FRMD4A: variants seen among roughly 807,000 people sequenced by gnomAD.
FRMD4A encodes the protein FERM domain-containing protein 4A.
In FRMD4A, 29 loss-of-function variants were observed where a neutral mutation model predicts 129.1. That is an observed-to-expected ratio of 0.22 (90% CI 0.17 to 0.31). The LOEUF is 0.31. Among genes scored for constraint, FRMD4A ranks in the 10% least tolerant of loss-of-function variants. FRMD4A has a pLI of 1.00. For synonymous variants in FRMD4A, 634 were observed against 571.6 expected (o/e 1.11, Z -1.56); for missense variants, 1,272 against 1,375.8 (o/e 0.92, Z 1.19).
Position 13,977,269 on chromosome 10 carries a change from C to T in FRMD4A, c.46-118357G>A, listed in dbSNP as rs575113135. ...ACGTAAGGACTTTTCCAGGTCTTAA[C>T]TACTAATCGGTGTTTTAATGCCACA... On this transcript the variant is annotated intron_variant, in intron 2 of 24. Coordinates refer to ENST00000357447, the MANE Select transcript of FRMD4A (RefSeq NM_018027.5). Among the ~76,000 whole-genome samples, 9 of 152,328 alleles carry T rather than the reference C, an allele frequency of 5.9e-5. No individual in the cohort carries two copies. The East Asian group carries it at 1.5e-3, about 26-fold the overall frequency.
At chr10:13,995,444 G>A (rs1219884333) in intron 2 of FRMD4A, among the ~76,000 whole-genome samples, 2 of 152,196 alleles carry the variant, frequency 1.3e-5, no homozygotes, top group Non-Finnish European at 2.9e-5. Flanking sequence ...AATTAACTAG[G>A]TGTGGTGGTG....
intron 2 of FRMD4A, among the ~76,000 whole-genome samples, chr10:13,935,349 A>C (rs1469150408): frequency 6.7e-6 from 1 of 149,042 alleles, no homozygotes; most frequent in African/African-American, 2.5e-5. Context: ...GAGGCAGGAG[A>C]ATTCCTTGAA....
intron 17 of FRMD4A, among the ~76,000 whole-genome samples, chr10:13,667,207 C>G (rs940078627): frequency 3.9e-5 from 6 of 152,266 alleles, no homozygotes; most frequent in African/African-American, 1.2e-4. Flanking sequence ...CCACCATGCC[C>G]GGCCATGGGA....
At chr10:14,237,060 A>T (rs1843849095) in intron 2 of FRMD4A, among the ~76,000 whole-genome samples, 1 of 146,974 alleles carries the variant, frequency 6.8e-6, no homozygotes, top group Non-Finnish European at 1.5e-5. Context: ...TTTGATAGAG[A>T]TGGGGTCTTG....
intron 2 of FRMD4A, among the ~76,000 whole-genome samples, chr10:13,946,436 C>T (rs899547007): frequency 6.6e-6 from 1 of 152,162 alleles, no homozygotes; most frequent in Non-Finnish European, 1.5e-5. Context: ...CTAGGTGCTC[C>T]TATGTCATCG....
intron 9 of FRMD4A, among the ~76,000 whole-genome samples, chr10:13,744,207 C>T (rs2091170150): frequency 6.6e-6 from 1 of 152,038 alleles, no homozygotes; most frequent in African/African-American, 2.4e-5. Flanking sequence ...CCCTGCATAC[C>T]TTATTGAGGC....
chr10:13,676,818 A>T (rs1227179851), intron 15 of FRMD4A, among the ~76,000 whole-genome samples: 1 of 152,224 alleles, frequency 6.6e-6, no homozygotes, highest in African/African-American at 2.4e-5. Flanking sequence ...TGTTGTAAAG[A>T]TGTCCATTCT....
chr10:14,138,586 C>A (rs1444033285), intron 2 of FRMD4A, among the ~76,000 whole-genome samples: 1 of 151,842 alleles, frequency 6.6e-6, no homozygotes, highest in Non-Finnish European at 1.5e-5. Context: ...TGGTGAAACA[C>A]CATCTCTGCT....
chr10:14,210,498 A>G (rs1380953266), intron 2 of FRMD4A, among the ~76,000 whole-genome samples: 2 of 152,162 alleles, frequency 1.3e-5, no homozygotes, highest in African/African-American at 4.8e-5. Context: ...CCCTGAACAC[A>G]TACCCTGCAA....
chr10:13,877,630 C>G (rs903455008), intron 2 of FRMD4A, among the ~76,000 whole-genome samples: 5 of 152,238 alleles, frequency 3.3e-5, no homozygotes, highest in African/African-American at 9.6e-5. Context: ...CCACACGGAG[C>G]AGTCCATCTG....
intron 2 of FRMD4A, among the ~76,000 whole-genome samples, chr10:14,016,292 G>A (rs1472642189): frequency 6.6e-6 from 1 of 152,188 alleles, no homozygotes; most frequent in Non-Finnish European, 1.5e-5. Flanking sequence ...CTTCATCATA[G>A]CGAGCATCAG....
chr10:14,201,674 C>T (rs1842640023), intron 2 of FRMD4A, among the ~76,000 whole-genome samples: 2 of 152,124 alleles, frequency 1.3e-5, no homozygotes, highest in African/African-American at 4.8e-5. Flanking sequence ...GTTGCCAAAC[C>T]CAACCTTCAA....
chr10:13,991,842 A>G (rs1410379837), intron 2 of FRMD4A: 2 of 152,620 alleles, frequency 1.3e-5, no homozygotes, highest in Non-Finnish European at 2.9e-5. Context: ...TACATGGAAT[A>G]TGAGGGTAAA....
intron 2 of FRMD4A, among the ~76,000 whole-genome samples, chr10:14,249,499 C>T (rs1589226986): frequency 1.3e-5 from 2 of 152,222 alleles, no homozygotes; most frequent in Admixed American, 1.3e-4. Context: ...CTGCACTGCC[C>T]ATGCCACCCC....
At chr10:13,878,822 G>GGGAAGAAGGAAGGAA (rs1554953626) in intron 2 of FRMD4A, among the ~76,000 whole-genome samples, 1 of 140,774 alleles carries the variant, frequency 7.1e-6, no homozygotes, top group African/African-American at 2.7e-5. Context: ...GAGGGAGGGA[G>GGGAAGAAGGAAGGAA]GGAAGGAAGG....
chr10:14,097,168 G>GAAAAAAA (rs1588967868), intron 2 of FRMD4A: 1 of 77,274 alleles, frequency 1.3e-5, no homozygotes, highest in African/African-American at 5.9e-5. Flanking sequence ...AAAAAAAAAA[G>GAAAAAAA]AAAAGAAAAG....
intron 2 of FRMD4A, among the ~76,000 whole-genome samples, chr10:14,091,881 T>C (rs750184636): frequency 1.3e-4 from 20 of 152,366 alleles, no homozygotes; most frequent in African/African-American, 4.1e-4. Context: ...GAATCACCCA[T>C]GTTCTTAACA....
At chr10:14,231,006 T>C (rs558709314) in intron 2 of FRMD4A, among the ~76,000 whole-genome samples, 97 of 152,356 alleles carry the variant, frequency 6.4e-4, no homozygotes, top group African/African-American at 2.2e-3. Context: ...GGTGTATATG[T>C]ACCATGTTTC....
At chr10:13,674,049 T>G (rs1003704707) in intron 16 of FRMD4A, among the ~76,000 whole-genome samples, 3 of 152,160 alleles carry the variant, frequency 2.0e-5, no homozygotes, top group African/African-American at 7.2e-5. Context: ...ATTACAGGCA[T>G]GAGCAGCTGT....
Sources: gnomAD v4.1 joint callset for allele counts (sites outside exome capture counted in the v4.1 genomes callset) on GRCh38, gnomAD v4.1.1 for gene constraint, MANE v1.5 for transcripts, NCBI Gene and HGNC (gene_info 2026-07-23, HGNC 2026-07-21) for gene names.